The following PRKN variants were observed in gnomAD, a reference collection of about 807,000 sequenced individuals.
The protein encoded by PRKN is E3 ubiquitin-protein ligase parkin.
In PRKN, 56 loss-of-function variants were observed where a neutral mutation model predicts 59.5. That is an observed-to-expected ratio of 0.94 (90% CI 0.76 to 1.18). The LOEUF (loss-of-function observed/expected upper bound fraction) is 1.18, where lower values mean the gene tolerates loss of function less well. Among genes scored for constraint, PRKN ranks in the 50% most tolerant of loss-of-function variants. PRKN has a pLI of 0.00. For synonymous variants in PRKN, 250 were observed against 222.1 expected (o/e 1.13, Z -1.12); for missense variants, 657 against 596.4 (o/e 1.10, Z -1.06).
chr6:162,313,487 ATT>A (rs776656558), intron 2 of PRKN, among the ~76,000 whole-genome samples: 1 of 151,382 alleles, frequency 6.6e-6, no homozygotes, highest in Non-Finnish European at 1.5e-5. Flanking sequence ...TACTGTATCA[ATT>A]TTTTTTTATT....
At chr6:161,758,853 C>T (rs533258305) in intron 7 of PRKN, among the ~76,000 whole-genome samples, 15 of 152,284 alleles carry the variant, frequency 9.9e-5, no homozygotes, top group Middle Eastern at 3.4e-3. Context: ...CTATACCACA[C>T]AAACACATCT....
chr6:161,811,177 C>A (rs1791542931), intron 6 of PRKN, among the ~76,000 whole-genome samples: 1 of 152,104 alleles, frequency 6.6e-6, no homozygotes, highest in Non-Finnish European at 1.5e-5. Context: ...CCTTAAACTT[C>A]CTGATTTCAG....
Position 161,548,836 on chromosome 6 carries a change from G to A in PRKN, c.1083+18C>T, listed in dbSNP as rs777171316. ...AAGGACAGGAACACACCGCTCCAGGGGTGTGGGCAGTACTCACCCCACAGC... is the reference window on the plus strand; with the variant it reads ...AAGGACAGGAACACACCGCTCCAGGAGTGTGGGCAGTACTCACCCCACAGC... On this transcript the variant is annotated intron_variant, in intron 9 of 11. Transcript: ENST00000366898. The surrounding 1 kb of genome is among the most constrained non-coding windows in gnomAD (Gnocchi z 4.2). The A allele has an allele frequency of 3.0e-5, 49 of 1,612,496 alleles. No homozygotes were observed. The East Asian group carries it at 1.0e-3, about 34-fold the overall frequency.
chr6:161,911,364 C>G (rs1403431461), intron 6 of PRKN, among the ~76,000 whole-genome samples: 1 of 152,134 alleles, frequency 6.6e-6, no homozygotes, highest in Non-Finnish European at 1.5e-5. Flanking sequence ...AGTCATTCAG[C>G]CTCATGAGGT....
At chr6:162,049,784 T>C (rs927190090) in intron 5 of PRKN, among the ~76,000 whole-genome samples, 3 of 152,148 alleles carry the variant, frequency 2.0e-5, no homozygotes, top group Non-Finnish European at 2.9e-5. Context: ...AATTTCTTAA[T>C]GTCCTAAAAC....
At chr6:162,563,479 T>G (rs776341995) in intron 1 of PRKN, among the ~76,000 whole-genome samples, 1 of 152,186 alleles carries the variant, frequency 6.6e-6, no homozygotes, top group South Asian at 2.1e-4. Flanking sequence ...CCCCCTAAAG[T>G]AGATACAGCT....
intron 7 of PRKN, among the ~76,000 whole-genome samples, chr6:161,749,162 C>T (rs1788568440): frequency 6.6e-6 from 1 of 152,162 alleles, no homozygotes; most frequent in South Asian, 2.1e-4. Context: ...TCCGGGTCTA[C>T]CCCAGTTAGC....
intron 4 of PRKN, among the ~76,000 whole-genome samples, chr6:162,060,071 C>T (rs1368124768): frequency 6.6e-6 from 1 of 152,186 alleles, no homozygotes. Context: ...CGTTTACTGT[C>T]GGGCCCTTTA....
chr6:161,606,320 T>C (rs1333073518), intron 7 of PRKN, among the ~76,000 whole-genome samples: 3 of 152,084 alleles, frequency 2.0e-5, no homozygotes, highest in Non-Finnish European at 4.4e-5. Context: ...AGCTAACTAG[T>C]AGGTAGCATT....
At chr6:162,313,714 T>C (rs1047526462) in intron 2 of PRKN, among the ~76,000 whole-genome samples, 1 of 152,034 alleles carries the variant, frequency 6.6e-6, no homozygotes, top group Non-Finnish European at 1.5e-5. Context: ...CTCAAATCCC[T>C]GACCTCAGGT....
intron 7 of PRKN, among the ~76,000 whole-genome samples, chr6:161,663,443 AC>A: frequency 6.6e-6 from 1 of 152,288 alleles, no homozygotes. Flanking sequence ...GGAAGGTAAT[AC>A]AGAGTACAGG....
At chr6:162,627,436 C>G (rs1184019240) in intron 1 of PRKN, among the ~76,000 whole-genome samples, 2 of 152,108 alleles carry the variant, frequency 1.3e-5, no homozygotes, top group African/African-American at 4.8e-5. Flanking sequence ...TCTACGCTGC[C>G]TACTTTGGAG....
At chr6:161,727,721 T>C (rs965983143) in intron 7 of PRKN, among the ~76,000 whole-genome samples, 3 of 152,160 alleles carry the variant, frequency 2.0e-5, no homozygotes, top group African/African-American at 7.2e-5. Context: ...ACACAGGACA[T>C]TGCATTAGCT....
At chr6:161,866,220 C>T (rs892222279) in intron 6 of PRKN, among the ~76,000 whole-genome samples, 3 of 151,992 alleles carry the variant, frequency 2.0e-5, no homozygotes, top group African/African-American at 7.3e-5. Flanking sequence ...CCTCAAAGAT[C>T]ACTGATCACA....
At chr6:161,779,774 TATC>T (rs1464936325) in intron 7 of PRKN, among the ~76,000 whole-genome samples, 3 of 152,128 alleles carry the variant, frequency 2.0e-5, no homozygotes, top group Non-Finnish European at 4.4e-5. Context: ...TCTATTTTGT[TATC>T]ATTTTATTTT....
At chr6:161,919,082 G>A (rs1250468109) in intron 6 of PRKN, among the ~76,000 whole-genome samples, 1 of 152,128 alleles carries the variant, frequency 6.6e-6, no homozygotes, top group African/African-American at 2.4e-5. Context: ...AGAGTTTTAC[G>A]CCATGTTCAC....
At chr6:162,206,416 C>T (rs1166642273) in intron 3 of PRKN, among the ~76,000 whole-genome samples, 36 of 152,198 alleles carry the variant, frequency 2.4e-4, no homozygotes, top group Non-Finnish European at 5.0e-4. Flanking sequence ...GAGCTGCTGG[C>T]ATGAGGCGTC....
intron 9 of PRKN, among the ~76,000 whole-genome samples, chr6:161,541,352 C>T (rs1779607862): frequency 6.6e-6 from 1 of 152,312 alleles, no homozygotes; most frequent in Admixed American, 6.5e-5. Flanking sequence ...AAAATAAATG[C>T]ACAGAAACAA....
At chr6:162,364,911 T>C (rs970242781) in intron 2 of PRKN, among the ~76,000 whole-genome samples, 4 of 151,586 alleles carry the variant, frequency 2.6e-5, no homozygotes, top group East Asian at 1.9e-4. Context: ...ACAGAAGTTA[T>C]AAGAAACTAC....
Sources: gnomAD v4.1 joint callset for allele counts (sites outside exome capture counted in the v4.1 genomes callset) on GRCh38, gnomAD v4.1.1 for gene constraint, Gnocchi (gnomAD v3.1) non-coding constraint, MANE v1.5 for transcripts, NCBI Gene and HGNC (gene_info 2026-07-23, HGNC 2026-07-21) for gene names.